CTPS2: variants seen among roughly 807,000 people sequenced by gnomAD.
CTPS2 encodes the protein CTP synthase II.
Under a neutral mutation model 46.8 loss-of-function variants are expected in CTPS2, and 19 were observed. The ratio of observed to expected loss-of-function variants is 0.41; its 90% CI spans 0.28 to 0.60. The LOEUF is 0.60. CTPS2 is among the 20% of genes least tolerant of loss of function. The pLI, the probability that CTPS2 is intolerant of heterozygous loss-of-function variation, is 0.35. For synonymous variants in CTPS2, 151 were observed against 165.2 expected (o/e 0.91, Z 0.66); for missense variants, 286 against 447.6 (o/e 0.64, Z 3.26).
Position 16,658,529 on chromosome X carries a change from T to G in CTPS2, c.1296+8985A>C, listed in dbSNP as rs746754323. Among the ~76,000 whole-genome samples, 4 of 112,347 alleles carry G rather than the reference T, an allele frequency of 3.6e-5. No individual in the cohort carries two copies. In the South Asian group the frequency reaches 1.5e-3, roughly 41 times the overall value. ...GTACCTATTCATATTTCTGTCAACA[T>G]TTCTGATTTCCTTAGGAGAATTTCT... On this transcript the variant is annotated intron_variant, in intron 13 of 18. Coordinates refer to ENST00000359276, the MANE Select transcript of CTPS2 (RefSeq NM_175859.3).
chrX:16,651,712 G>T (rs994453500), intron 13 of CTPS2, among the ~76,000 whole-genome samples: 13 of 112,131 alleles, frequency 1.2e-4, no homozygotes, highest in Non-Finnish European at 3.8e-5. Context: ...TTCAAGAAAG[G>T]ACTAAATTTC....
intron 13 of CTPS2, among the ~76,000 whole-genome samples, chrX:16,653,740 G>A (rs1025547259): frequency 1.8e-5 from 2 of 112,395 alleles, no homozygotes; most frequent in African/African-American, 6.5e-5. Context: ...GAACCATTGA[G>A]CCAAAGTCAT....
At chrX:16,612,721 C>G (rs985833444) in intron 16 of CTPS2, among the ~76,000 whole-genome samples, 5 of 111,693 alleles carry the variant, frequency 4.5e-5, no homozygotes, top group African/African-American at 1.3e-4. Context: ...TTAGGTAGAA[C>G]GTGAAAACAA....
At chrX:16,657,966 G>C (rs1932858678) in intron 13 of CTPS2, among the ~76,000 whole-genome samples, 1 of 112,040 alleles carries the variant, frequency 8.9e-6, no homozygotes, top group African/African-American at 3.2e-5. Flanking sequence ...ACCACTTTGG[G>C]AGGCTGAGGC....
chrX:16,656,128 C>T (rs1320229711), intron 13 of CTPS2, among the ~76,000 whole-genome samples: 1 of 112,051 alleles, frequency 8.9e-6, no homozygotes, highest in African/African-American at 3.2e-5. Context: ...TCCTAAGGAG[C>T]TTTGTTAAAC....
intron 14 of CTPS2, among the ~76,000 whole-genome samples, chrX:16,623,792 CTTTTTTTTTTTTTTTTT>C (rs60328217): frequency 4.6e-5 from 1 of 21,683 alleles, no homozygotes; most frequent in Non-Finnish European, 7.6e-5. Flanking sequence ...CCCCTCAATT[CTTTTTTTTTTTTTTTTT>C]TTTTTTTTTT....
intron 1 of CTPS2, among the ~76,000 whole-genome samples, chrX:16,704,337 G>T (rs1377619016): frequency 9.0e-6 from 1 of 111,690 alleles, no homozygotes; most frequent in African/African-American, 3.2e-5. Context: ...AAAAAAAAAT[G>T]GGCTACCAAG....
chrX:16,631,691 C>T (rs1332794813), intron 14 of CTPS2, among the ~76,000 whole-genome samples: 2 of 111,710 alleles, frequency 1.8e-5, no homozygotes, highest in South Asian at 3.8e-4. Context: ...TTGCCTCCCT[C>T]GCTGGATGTC....
intron 1 of CTPS2, among the ~76,000 whole-genome samples, chrX:16,704,091 AC>A (rs1011343740): frequency 1.8e-5 from 2 of 109,937 alleles, no homozygotes; most frequent in African/African-American, 6.6e-5. Flanking sequence ...GGCATGCACC[AC>A]CATGCTGGGC....
intron 4 of CTPS2, among the ~76,000 whole-genome samples, chrX:16,695,437 TA>T (rs1160281189): frequency 8.9e-6 from 1 of 112,641 alleles, no homozygotes; most frequent in Non-Finnish European, 1.9e-5. Context: ...ATATCACCTA[TA>T]ACAATACTTT....
chrX:16,649,374 C>T (rs1932487670), intron 13 of CTPS2, among the ~76,000 whole-genome samples: 1 of 112,765 alleles, frequency 8.9e-6, no homozygotes, highest in African/African-American at 3.2e-5. Context: ...TGAAGCAATA[C>T]TTCCATTCAT....
intron 14 of CTPS2, among the ~76,000 whole-genome samples, chrX:16,629,682 A>G (rs1297551539): frequency 2.7e-5 from 3 of 111,774 alleles, no homozygotes; most frequent in Non-Finnish European, 5.6e-5. Flanking sequence ...CTTTGATAAG[A>G]GACAAGAAAG....
At chrX:16,590,014 A>G (rs1035259261) in intron 18 of CTPS2, among the ~76,000 whole-genome samples, 6 of 111,790 alleles carry the variant, frequency 5.4e-5, no homozygotes, top group African/African-American at 2.0e-4. Flanking sequence ...AGAACAGCTT[A>G]TACAAGTCAA....
chrX:16,636,696 G>A (rs1471281827), intron 14 of CTPS2, among the ~76,000 whole-genome samples: 3 of 111,608 alleles, frequency 2.7e-5, no homozygotes, highest in Non-Finnish European at 5.6e-5. Context: ...AGGCCGAGGC[G>A]GGCAGATCAC....
intron 1 of CTPS2, among the ~76,000 whole-genome samples, chrX:16,709,544 G>A (rs2147399752): frequency 9.2e-6 from 1 of 108,248 alleles, no homozygotes; most frequent in Non-Finnish European, 1.9e-5. Context: ...AATTTTATTT[G>A]TCACCACTAA....
At chrX:16,696,711 T>C (rs1279208058) in intron 4 of CTPS2, among the ~76,000 whole-genome samples, 3 of 110,785 alleles carry the variant, frequency 2.7e-5, no homozygotes, top group Non-Finnish European at 5.7e-5. Context: ...AGCGAGACCC[T>C]ATCTATAAAA....
rs950422621 is a variant in CTPS2, at chrX:16,693,985, G to A, written c.439-498C>T. 1.1e-4 allele frequency among the ~76,000 whole-genome samples: 12 copies of A among 109,618 alleles called. No homozygotes were observed. In the East Asian group the frequency reaches 3.2e-3, roughly 29 times the overall value. The stretch of plus-strand genomic sequence containing the variant: ...TCGGGACCATCCTGGCCAACATGGT[G>A]AAACCCTGTCTCTACTAAAAATACA... On this transcript the variant is annotated intron_variant, in intron 4 of 18. Coordinates refer to ENST00000359276, the MANE Select transcript of CTPS2 (RefSeq NM_175859.3).
intron 13 of CTPS2, among the ~76,000 whole-genome samples, chrX:16,655,199 GAA>G (rs1932788248): frequency 8.9e-6 from 1 of 112,326 alleles, no homozygotes; most frequent in African/African-American, 3.2e-5. Context: ...CTTTCTTAAT[GAA>G]TGACCCTCGA....
chrX:16,593,452 G>A (rs1602105635), intron 17 of CTPS2, among the ~76,000 whole-genome samples: 1 of 98,837 alleles, frequency 1.0e-5, no homozygotes, highest in African/African-American at 3.8e-5. Flanking sequence ...AAAAAAGTCT[G>A]AATTCCCTAA....
Sources: gnomAD v4.1 joint callset for allele counts (sites outside exome capture counted in the v4.1 genomes callset) on GRCh38, gnomAD v4.1.1 for gene constraint, MANE v1.5 for transcripts, NCBI Gene and HGNC (gene_info 2026-07-23, HGNC 2026-07-21) for gene names.